THRB: variants seen among roughly 807,000 people sequenced by gnomAD.
The protein encoded by THRB is nuclear receptor subfamily 1 group A member 2.
Under a neutral mutation model 47.8 loss-of-function variants are expected in THRB, and 12 were observed. The ratio of observed to expected loss-of-function variants is 0.25; its 90% CI spans 0.16 to 0.41. THRB has a LOEUF of 0.41. THRB is among the 10% of genes least tolerant of loss of function. The pLI, the probability that THRB is intolerant of heterozygous loss-of-function variation, is 1.00. For missense variants in THRB, 348 were observed against 589.2 expected (o/e 0.59, Z 4.24); for synonymous variants, 218 against 212.2 (o/e 1.03, Z -0.24).
At chr3:24,397,034 G>C in intron 1 of THRB, among the ~76,000 whole-genome samples, 1 of 152,058 alleles carries the variant, frequency 6.6e-6, no homozygotes, top group East Asian at 1.9e-4. Context: ...AAAACAGTAT[G>C]CTCCCCAGTC....
chr3:24,492,216 G>A (rs1698254789), intron 1 of THRB, among the ~76,000 whole-genome samples: 1 of 152,178 alleles, frequency 6.6e-6, no homozygotes, highest in Non-Finnish European at 1.5e-5. Flanking sequence ...TGTTCTAGAT[G>A]CTGGAAAATA....
intron 1 of THRB, among the ~76,000 whole-genome samples, chr3:24,479,162 C>T (rs1327954192): frequency 2.6e-5 from 4 of 152,024 alleles, no homozygotes; most frequent in Non-Finnish European, 4.4e-5. Flanking sequence ...ATTTGCCTGG[C>T]GTGGTGGTGG....
chr3:24,301,586 T>C (rs60039214), intron 2 of THRB, among the ~76,000 whole-genome samples: 19,086 of 152,006 alleles, frequency 0.13, 1,313 homozygotes, highest in South Asian at 0.21. Context: ...TATCTATCCC[T>C]TATTAATTAG....
At chr3:24,123,355 C>T (rs1173570271) in intron 10 of THRB, among the ~76,000 whole-genome samples, 1 of 152,140 alleles carries the variant, frequency 6.6e-6, no homozygotes, top group Non-Finnish European at 1.5e-5. Flanking sequence ...TCTGTTTAGA[C>T]AGTTTAGCTT....
chr3:24,375,473 T>C (rs1351194264), intron 1 of THRB, among the ~76,000 whole-genome samples: 1 of 145,628 alleles, frequency 6.9e-6, no homozygotes, highest in Non-Finnish European at 1.5e-5. Flanking sequence ...AATATTAATA[T>C]ATTATAGTTA....
intron 1 of THRB, among the ~76,000 whole-genome samples, chr3:24,436,473 G>GCACACA (rs555084268): frequency 6.6e-6 from 1 of 151,112 alleles, no homozygotes; most frequent in African/African-American, 2.4e-5. Context: ...TAGATAGTAT[G>GCACACA]CACACACACA....
chr3:24,166,686 C>G (rs570573763), intron 5 of THRB, among the ~76,000 whole-genome samples: 8 of 152,078 alleles, frequency 5.3e-5, no homozygotes, highest in Non-Finnish European at 1.0e-4. Flanking sequence ...GGATTCCTTC[C>G]GTTTCTTAGG....
At chr3:24,481,814 G>C (rs73152104) in intron 1 of THRB, among the ~76,000 whole-genome samples, 1 of 148,896 alleles carries the variant, frequency 6.7e-6, no homozygotes, top group South Asian at 2.1e-4. Flanking sequence ...GACTCCAAGG[G>C]ACAAAAGTTT....
chr3:24,225,414 A>G (rs2047556872), intron 4 of THRB, among the ~76,000 whole-genome samples: 1 of 152,228 alleles, frequency 6.6e-6, no homozygotes, highest in South Asian at 2.1e-4. Context: ...TAATAACTGA[A>G]TGGGGAATAC....
At chr3:24,457,926 G>A (rs1305280322) in intron 1 of THRB, 2 of 152,138 alleles carry the variant, frequency 1.3e-5, no homozygotes, top group Non-Finnish European at 2.9e-5. Context: ...TAATTACTCA[G>A]TAACTGCTTT....
At chr3:24,270,182 T>C (rs1462320612) in intron 3 of THRB, among the ~76,000 whole-genome samples, 7 of 152,354 alleles carry the variant, frequency 4.6e-5, no homozygotes, top group East Asian at 3.9e-4. Context: ...TTTTTAATAA[T>C]TGGTCTTGCT....
intron 1 of THRB, among the ~76,000 whole-genome samples, chr3:24,484,751 G>C (rs748169778): frequency 6.6e-6 from 1 of 152,148 alleles, no homozygotes; most frequent in Admixed American, 6.5e-5. Flanking sequence ...AGTTTCAACA[G>C]AGACTGTGTG....
intron 1 of THRB, among the ~76,000 whole-genome samples, chr3:24,436,146 G>A (rs2070924575): frequency 6.6e-6 from 1 of 152,038 alleles, no homozygotes; most frequent in Non-Finnish European, 1.5e-5. Context: ...TATATATCTG[G>A]GGGCAAGTGC....
At chr3:24,157,160 C>A (rs2037985202) in intron 5 of THRB, among the ~76,000 whole-genome samples, 1 of 152,110 alleles carries the variant, frequency 6.6e-6, no homozygotes, top group Non-Finnish European at 1.5e-5. Flanking sequence ...CCCAGGGGCT[C>A]CCACTTCACA....
At chr3:24,284,582 G>A (rs1448926807) in intron 3 of THRB, among the ~76,000 whole-genome samples, 2 of 150,946 alleles carry the variant, frequency 1.3e-5, no homozygotes, top group African/African-American at 5.0e-5. Context: ...TTGACAAATG[G>A]GATCTAATTA....
chr3:24,139,366 CTTTCTTTCTTTTTCT>C (rs989114485), intron 8 of THRB, among the ~76,000 whole-genome samples: 4 of 147,414 alleles, frequency 2.7e-5, no homozygotes, highest in African/African-American at 5.0e-5. Context: ...CTTTTTCTTT[CTTTCTTTCTTTTTCT>C]TTTCTTTCTT....
intron 3 of THRB, among the ~76,000 whole-genome samples, chr3:24,265,808 G>A (rs1458070365): frequency 6.6e-6 from 1 of 151,966 alleles, no homozygotes; most frequent in African/African-American, 2.4e-5. Flanking sequence ...AATATGTAAG[G>A]CTACGTTACA....
At chr3:24,294,743 T>C (rs1013428220) in intron 3 of THRB, among the ~76,000 whole-genome samples, 9 of 152,172 alleles carry the variant, frequency 5.9e-5, no homozygotes, top group African/African-American at 2.2e-4. Context: ...CCCACTACCT[T>C]GGAGTTCCTG....
chr3:24,423,974 C>T (rs2069515173), intron 1 of THRB, among the ~76,000 whole-genome samples: 1 of 151,848 alleles, frequency 6.6e-6, no homozygotes, highest in African/African-American at 2.4e-5. Flanking sequence ...AATCATTTTA[C>T]TAAACTATCT....
Sources: allele counts gnomAD v4.1 joint callset (sites outside exome capture counted in the v4.1 genomes callset), GRCh38; gene constraint gnomAD v4.1.1; transcripts MANE v1.5; gene names NCBI Gene and HGNC (gene_info 2026-07-23, HGNC 2026-07-21).